The following SATB1 variants were observed in gnomAD, a reference collection of about 807,000 sequenced individuals.
SATB1 encodes SATB homeobox 1.
SATB1 carries 11 observed loss-of-function variants against 86.9 expected under a neutral mutation model. The ratio of observed to expected loss-of-function variants is 0.13; its 90% CI spans 0.08 to 0.21. The LOEUF (loss-of-function observed/expected upper bound fraction) is 0.21. SATB1 is among the 10% of genes least tolerant of loss of function. SATB1 has a pLI of 1.00. For synonymous variants in SATB1, 357 were observed against 357.2 expected (o/e 1.00, Z 0.01); for missense variants, 551 against 937.6 (o/e 0.59, Z 5.39).
chr3:18,410,713 G>A (rs1311720507), intron 5 of SATB1: 1 of 221,774 alleles, frequency 4.5e-6, no homozygotes. Flanking sequence ...TGCAGTATAT[G>A]AACACTGATG....
intron 9 of SATB1, among the ~76,000 whole-genome samples, chr3:18,354,808 C>T (rs573880366): frequency 1.2e-4 from 19 of 152,188 alleles, no homozygotes; most frequent in Admixed American, 1.1e-3. Flanking sequence ...TAAACAATCA[C>T]ACTCATGCTG....
chr3:18,349,901 G>GCT lies in SATB1; in HGVS notation c.1780-220_1780-219insAG. On this transcript the variant is annotated intron_variant, in intron 10 of 10. Coordinates refer to ENST00000338745, the MANE Select transcript of SATB1 (RefSeq NM_002971.6). This position sits in a 1 kb window ranked among gnomAD's most constrained non-coding sequence, Gnocchi z 5.5. ...AGGGATGAATTAAGACAGCTTTGGG[G>GCT]GGCTACTGCACTTACTTATCAGAGA... The GCT allele has an allele frequency of 1.4e-6, 1 of 733,090 alleles. No individual in the cohort carries two copies. The highest frequency in any genetic ancestry group is 2.1e-6 in the Non-Finnish European group (1 of 475,252). 45.4% of individuals were successfully genotyped at this position (733,090 alleles called of 1,614,324 possible).
intron 1 of SATB1, among the ~76,000 whole-genome samples, chr3:18,437,792 G>A (rs967003183): frequency 3.9e-5 from 6 of 152,086 alleles, no homozygotes; most frequent in Non-Finnish European, 8.8e-5. Context: ...TTCAGTTGGT[G>A]AAAATACAAT....
intron 4 of SATB1, 29 bp from the exon 5 acceptor site, chr3:18,415,263 T>G: frequency 3.1e-6 from 5 of 1,611,616 alleles, no homozygotes; most frequent in Non-Finnish European, 4.2e-6. Context: ...AGAAAGGGGA[T>G]TATTACAAGA....
intron 5 of SATB1, among the ~76,000 whole-genome samples, chr3:18,400,396 C>G (rs1227117054): frequency 6.6e-6 from 1 of 152,188 alleles, no homozygotes; most frequent in Non-Finnish European, 1.5e-5. Flanking sequence ...ATGTGTCACA[C>G]ACTGGTAGTA....
At chr3:18,408,512 G>A (rs955457325) in intron 5 of SATB1, among the ~76,000 whole-genome samples, 4 of 151,920 alleles carry the variant, frequency 2.6e-5, no homozygotes, top group African/African-American at 4.8e-5. Context: ...CAGCCAGAGC[G>A]TTCCTTACTT....
chr3:18,353,374 G>A (rs1694470044), intron 9 of SATB1, among the ~76,000 whole-genome samples: 1 of 151,946 alleles, frequency 6.6e-6, no homozygotes, highest in African/African-American at 2.4e-5. Context: ...TATCCTTATG[G>A]GACCTCTTTC....
At chr3:18,354,013 A>G (rs892941568) in intron 9 of SATB1, among the ~76,000 whole-genome samples, 1 of 152,186 alleles carries the variant, frequency 6.6e-6, no homozygotes, top group Non-Finnish European at 1.5e-5. Flanking sequence ...TGTGATGGCA[A>G]TGTCACTGAA....
At chr3:18,420,671 G>A (rs1328769217) in intron 2 of SATB1, 86 bp downstream of exon 2, 1 of 1,035,298 alleles carries the variant, frequency 9.7e-7, no homozygotes, top group Non-Finnish European at 1.5e-6. Flanking sequence ...TACAAAACAT[G>A]TTCTGCCACT....
chr3:18,347,482 A>G lies in SATB1; in HGVS notation c.*1688T>C, dbSNP rs1407966415. ...GCTCAGTTATTAACTTATTCCACTTATAACTTGTGAAAAAAAAAAGCTAAG... is the reference window on the plus strand; with the variant it reads ...GCTCAGTTATTAACTTATTCCACTTGTAACTTGTGAAAAAAAAAAGCTAAG... On this transcript the variant is annotated 3_prime_UTR_variant, in exon 11 of 11. Coordinates refer to ENST00000338745, the MANE Select transcript of SATB1 (RefSeq NM_002971.6). The G allele has an allele frequency of 6.6e-6, 1 of 150,988 alleles. No individual in the cohort carries two copies. Among genetic ancestry groups the G allele is most frequent in the Non-Finnish European group, 1.5e-5 (1 of 67,968 alleles). 9.4% of individuals were successfully genotyped at this position (150,988 alleles called of 1,614,324 possible).
At chr3:18,441,584 C>T (rs1184959615), upstream of SATB1, among the ~76,000 whole-genome samples, 1 of 152,126 alleles carries the variant, frequency 6.6e-6, no homozygotes, top group Admixed American at 6.5e-5. Context: ...GTGTAAAGGG[C>T]ATATCTATGT....
rs1008364258 is a variant in SATB1, at chr3:18,409,864, C to A, written c.639+5247G>T. Reference sequence around the variant, plus strand: ...TAAAATGGAGCTGCTCGTAAAAGACCAGTCTGATGACTGGAGTCTGTATTT... The same window carrying A: ...TAAAATGGAGCTGCTCGTAAAAGACAAGTCTGATGACTGGAGTCTGTATTT... On this transcript the variant is annotated intron_variant, in intron 5 of 10. Coordinates refer to ENST00000338745, the MANE Select transcript of SATB1 (RefSeq NM_002971.6). Among the ~76,000 whole-genome samples, 5 of 151,962 alleles carry A rather than the reference C, an allele frequency of 3.3e-5. No homozygotes were observed. The East Asian group carries it at 7.7e-4, about 24-fold the overall frequency.
At chr3:18,357,262 A>G (rs1216293182) in intron 9 of SATB1, among the ~76,000 whole-genome samples, 1 of 151,894 alleles carries the variant, frequency 6.6e-6, no homozygotes, top group Non-Finnish European at 1.5e-5. Flanking sequence ...AGTATTTGAT[A>G]CAAACATTTT....
chr3:18,369,867 T>C (rs1231464802), intron 9 of SATB1, among the ~76,000 whole-genome samples: 2 of 152,216 alleles, frequency 1.3e-5, no homozygotes, highest in Non-Finnish European at 2.9e-5. Flanking sequence ...ATGGTAATTA[T>C]GACAGATCTG....
Position 18,386,061 on chromosome 3 carries a change from T to G in SATB1, c.1419+338A>C, listed in dbSNP as rs953113216. 6.6e-6 allele frequency among the ~76,000 whole-genome samples: 1 copy of G among 152,162 alleles called. No individual in the cohort carries two copies. The highest frequency in any genetic ancestry group is 2.4e-5 in the African/African-American group (1 of 41,456). On this transcript the variant is annotated intron_variant, in intron 8 of 10. Coordinates refer to ENST00000338745, the MANE Select transcript of SATB1 (RefSeq NM_002971.6). This position sits in a 1 kb window ranked among gnomAD's most constrained non-coding sequence, Gnocchi z 4.5. The stretch of plus-strand genomic sequence containing the variant: ...ATTCAAATGGCGATTCTGAAACCAG[T>G]TGGGAAAAAACTGACTTTATTCTTT...
chr3:18,418,332 T>G (rs1698222230), intron 2 of SATB1, among the ~76,000 whole-genome samples: 1 of 152,152 alleles, frequency 6.6e-6, no homozygotes, highest in Non-Finnish European at 1.5e-5. Context: ...TGCTTGTTTC[T>G]GCTGAACAAA....
At chr3:18,390,918 A>G (rs1168278735) in intron 7 of SATB1, among the ~76,000 whole-genome samples, 2 of 152,202 alleles carry the variant, frequency 1.3e-5, no homozygotes, top group African/African-American at 2.4e-5. Context: ...GTAGAAATCT[A>G]GAAGCTTTGG....
At chr3:18,421,320 G>A in intron 1 of SATB1, 1 of 191,188 alleles carries the variant, frequency 5.2e-6, no homozygotes, top group Non-Finnish European at 1.1e-5. Flanking sequence ...ACAGCAAATT[G>A]CATTTACGTA....
At chr3:18,445,480 G>C (rs1441692469) in intron 1 of SATB1, 5 of 985,236 alleles carry the variant, frequency 5.1e-6, no homozygotes, top group Non-Finnish European at 6.0e-6. Context: ...TGGGGTGCGC[G>C]GCGCGGTTCT....
Sources: gnomAD v4.1 joint callset for allele counts (sites outside exome capture counted in the v4.1 genomes callset) on GRCh38, gnomAD v4.1.1 for gene constraint, Gnocchi (gnomAD v3.1) non-coding constraint, MANE v1.5 for transcripts, NCBI Gene and HGNC (gene_info 2026-07-23, HGNC 2026-07-21) for gene names.